Variants in VPS16 observed in about 807,000 individuals in gnomAD.
The protein encoded by VPS16 is vacuolar protein sorting-associated protein 16 homolog.
Under a neutral mutation model 116.0 loss-of-function variants are expected in VPS16, and 82 were observed. The observed-to-expected ratio is 0.71, with a 90% CI of 0.59 to 0.85. VPS16 has a LOEUF of 0.85. Ranked by LOEUF, VPS16 falls within the 40% of genes least tolerant of loss-of-function variation. The pLI, the probability that VPS16 is intolerant of heterozygous loss-of-function variation, is 0.00. For synonymous variants in VPS16, 406 were observed against 420.7 expected, an observed-to-expected ratio of 0.96 and a Z score of 0.43; for missense variants, 928 against 1,090.6, an observed-to-expected ratio of 0.85 and a Z score of 2.10.
At chr20:2,854,993 C>T (rs2089159231) in intron 1 of VPS16, among the ~76,000 whole-genome samples, 1 of 115,386 alleles carries the variant, frequency 8.7e-6, no homozygotes, top group African/African-American at 3.7e-5. Context: ...TGGAATCTCG[C>T]TGTGTCACCC....
At chr20:2,841,188 A>T in intron 1 of VPS16, 1 of 318,346 alleles carries the variant, frequency 3.1e-6, no homozygotes, top group South Asian at 3.7e-5. Context: ...GGGGGGCGGG[A>T]TCGCACGGCG....
intron 1 of VPS16, among the ~76,000 whole-genome samples, chr20:2,854,238 TACACACAC>T (rs150363426): frequency 2.1e-5 from 3 of 139,806 alleles, no homozygotes; most frequent in African/African-American, 5.7e-5. Flanking sequence ...ACCCCGTCTC[TACACACAC>T]ACACACACAC....
Position 2,866,493 on chromosome 20 carries a change from A to G in VPS16, c.2439A>G (p.Val813=), listed in dbSNP as rs143607197. 8.7e-6 allele frequency: 14 copies of G among 1,614,154 alleles called. No individual in the cohort carries two copies. The highest frequency in any genetic ancestry group is 1.2e-5 in the Non-Finnish European group (14 of 1,180,022). The change falls in exon 24 of 24, where the codon GTA becomes GTG. Residue 813 remains valine (V), a synonymous_variant. Transcript: ENST00000380445. ...EHRNEAELSL[V]LSHCTGATDG... ...GGAATGAGGCTGAGCTGAGCCTCGT[A>G]TTGTCCCACTGCACGGGAGCCACAG... is the stretch of plus-strand genomic sequence containing the variant.
rs200069917 is a variant in VPS16, at chr20:2,863,139, G to T, written c.1367+39G>T. ...AAGGGTGCAGTGAGCGGGCTGTCAGGGGGGTGGGCATTACAGCCTTGGGTG... is the reference window on the plus strand; with the variant it reads ...AAGGGTGCAGTGAGCGGGCTGTCAGTGGGGTGGGCATTACAGCCTTGGGTG... On this transcript the variant is annotated intron_variant, in intron 14 of 23. Transcript: ENST00000380445. This position sits in a 1 kb window ranked among gnomAD's most constrained non-coding sequence, Gnocchi z 4.4. 1.9e-6 allele frequency: 3 copies of T among 1,613,474 alleles called. No homozygotes were observed. Among genetic ancestry groups the T allele is most frequent in the Non-Finnish European group, 1.7e-6 (2 of 1,179,904 alleles).
chr20:2,851,608 G>A (rs2089122138), intron 1 of VPS16, among the ~76,000 whole-genome samples: 1 of 151,546 alleles, frequency 6.6e-6, no homozygotes, highest in Non-Finnish European at 1.5e-5. Context: ...GTTGCAGTGA[G>A]CCGGTATTGC....
rs905476555 is a variant in VPS16, at chr20:2,863,655, G to A, written c.1476+257G>A. Among the ~76,000 whole-genome samples, 1 of 152,106 alleles carries A rather than the reference G, an allele frequency of 6.6e-6. No individual in the cohort carries two copies. Among genetic ancestry groups the A allele is most frequent in the Non-Finnish European group, 1.5e-5 (1 of 68,008 alleles). ...CGCATGCCTGTAATCCCAGCTACCC[G>A]GGAGGCTGAGGCAGGAGAATTGCTT... On this transcript the variant is annotated intron_variant, in intron 15 of 23. Coordinates refer to ENST00000380445, the MANE Select transcript of VPS16 (RefSeq NM_022575.4). This position sits in a 1 kb window ranked among gnomAD's most constrained non-coding sequence, Gnocchi z 4.4.
chr20:2,857,987 C>A (rs1042474669), intron 1 of VPS16, among the ~76,000 whole-genome samples: 2 of 151,946 alleles, frequency 1.3e-5, no homozygotes, highest in Non-Finnish European at 2.9e-5. Context: ...TATTTCCAAT[C>A]GATTCTTGCT....
rs1444100102 is a variant in VPS16 at position 2,861,559 on chromosome 20, T to C, written c.810-56T>C. 5.8e-6 allele frequency: 9 copies of C among 1,545,956 alleles called. No homozygotes were observed. The East Asian group carries it at 1.4e-4, about 24-fold the overall frequency. On this transcript the variant is annotated intron_variant, in intron 8 of 23. Transcript: ENST00000380445. ...CGAGACAAAGGATTATGAGCAGCCA[T>C]GTGGGAGACATGGCCATGGGACAGT...
chr20:2,862,882 G>A lies in VPS16; in HGVS notation c.1279G>A (p.Val427Met), dbSNP rs2089252688. 6.2e-7 allele frequency: 1 copy of A among 1,614,144 alleles called. No homozygotes were observed. The highest frequency in any genetic ancestry group is 8.5e-7 in the Non-Finnish European group (1 of 1,180,022). ...CGTGCACATGTGTCAGGACCTGCGT[G>A]TGCTCAATGCTGTTCGGGACTATCA... ...SFVHMCQDLR[V>M]LNAVRDYHIG... The change falls in exon 13 of 24, where the codon GTG (valine) becomes ATG (methionine). Residue 427 changes from valine (V) to methionine (M), a missense_variant. Transcript: ENST00000380445.
Position 2,864,899 on chromosome 20 carries a change from G to A in VPS16, c.1927-79G>A. ...CTGGCGACCCTGGGCACAGGGATGG[G>A]GGAGAAGACTGTAGCCTGGGTGAGG... On this transcript the variant is annotated intron_variant, in intron 19 of 23. Coordinates refer to ENST00000380445, the MANE Select transcript of VPS16 (RefSeq NM_022575.4). This position sits in a 1 kb window ranked among gnomAD's most constrained non-coding sequence, Gnocchi z 5.2. 9.4e-6 allele frequency: 15 copies of A among 1,587,852 alleles called. No homozygotes were observed. The South Asian group carries it at 1.3e-4, about 14-fold the overall frequency.
Position 2,864,231 on chromosome 20 carries a change from TGAA to T in VPS16, c.1667_1669del (p.Lys556del). On this transcript the variant is annotated inframe_deletion, in exon 17 of 24. Coordinates refer to ENST00000380445, the MANE Select transcript of VPS16 (RefSeq NM_022575.4). This position sits in a 1 kb window ranked among gnomAD's most constrained non-coding sequence, Gnocchi z 5.2. ...GAGCAGGTACCCCTTCTCCTAAAGATGAAGAGGAGCAAACTGGCACTAAGCAAG... is the reference window on the plus strand; with the variant it reads ...GAGCAGGTACCCCTTCTCCTAAAGATGAGGAGCAAACTGGCACTAAGCAAG... 6.2e-7 allele frequency: 1 copy of T among 1,614,096 alleles called. No homozygotes were observed. The highest frequency in any genetic ancestry group is 1.1e-5 in the South Asian group (1 of 91,076).
At chr20:2,862,413 T>A in intron 11 of VPS16, 166 bp from the exon 12 acceptor site, 1 of 1,370,298 alleles carries the variant, frequency 7.3e-7, no homozygotes, top group Non-Finnish European at 9.7e-7. Flanking sequence ...TACGAGATGA[T>A]GTCTGTGGGC....
At chr20:2,861,301 G>C (rs766098968) in intron 8 of VPS16, 21 bp downstream of exon 8, 8 of 1,613,812 alleles carry the variant, frequency 5.0e-6, no homozygotes, top group Non-Finnish European at 6.8e-6. Flanking sequence ...GGGTGTTATT[G>C]CTGGGGGTGT....
intron 1 of VPS16, among the ~76,000 whole-genome samples, chr20:2,856,328 A>G (rs1327527232): frequency 1.3e-5 from 2 of 152,214 alleles, no homozygotes; most frequent in Non-Finnish European, 2.9e-5. Context: ...TATAGTAGTA[A>G]CATCACTGAT....
At chr20:2,848,165 T>C (rs1237615077) in intron 1 of VPS16, among the ~76,000 whole-genome samples, 4 of 152,208 alleles carry the variant, frequency 2.6e-5, no homozygotes, top group African/African-American at 9.7e-5. Context: ...CAAACCCAAC[T>C]GGGGTCCCAC....
In VPS16 at chr20:2,863,471, T is replaced by C. The variant is rs1490362662; in HGVS notation, c.1476+73T>C. On this transcript the variant is annotated intron_variant, in intron 15 of 23. Coordinates refer to ENST00000380445, the MANE Select transcript of VPS16 (RefSeq NM_022575.4). This position sits in a 1 kb window ranked among gnomAD's most constrained non-coding sequence, Gnocchi z 4.4. ...CTGGTGAGGTGGAGGAAATAGAAAG[T>C]GTAGAACTGCGCTGGGCACGGTGGC... The C allele has an allele frequency of 1.3e-6, 2 of 1,489,756 alleles. No homozygotes were observed. Among genetic ancestry groups the C allele is most frequent in the Non-Finnish European group, 9.3e-7 (1 of 1,071,890 alleles). The allele number at this position is 1,489,756 out of a possible 1,614,324, so 92.3% of individuals were successfully genotyped here.
At chr20:2,853,435 C>T (rs1283237085) in intron 1 of VPS16, among the ~76,000 whole-genome samples, 2 of 151,856 alleles carry the variant, frequency 1.3e-5, no homozygotes, top group Non-Finnish European at 2.9e-5. Context: ...TTTCTTTGCT[C>T]ATCCATAAGA....
chr20:2,861,946 C>A, intron 10 of VPS16, 47 bp downstream of exon 10: 2 of 1,606,362 alleles, frequency 1.2e-6, no homozygotes, highest in Non-Finnish European at 8.5e-7. Context: ...GGGGACTCCT[C>A]GGCACCCCAG....
intron 1 of VPS16, among the ~76,000 whole-genome samples, chr20:2,850,276 A>G (rs2089104653): frequency 6.6e-6 from 1 of 152,086 alleles, no homozygotes; most frequent in South Asian, 2.1e-4. Flanking sequence ...GTGAGCCCAG[A>G]TCGTGCCACT....
Sources: allele counts gnomAD v4.1 joint callset (sites outside exome capture counted in the v4.1 genomes callset), GRCh38; gene constraint gnomAD v4.1.1; non-coding constraint Gnocchi (gnomAD v3.1); transcripts MANE v1.5; gene names NCBI Gene and HGNC (gene_info 2026-07-23, HGNC 2026-07-21).